Variants in P4HA1 observed in about 807,000 individuals in gnomAD.
P4HA1 encodes the protein prolyl 4-hydroxylase subunit alpha-1.
A neutral mutation model predicts 72.8 loss-of-function variants in P4HA1; 24 were observed. That is an observed-to-expected ratio of 0.33 (90% CI 0.24 to 0.46). The LOEUF (loss-of-function observed/expected upper bound fraction) is 0.46. Ranked by LOEUF, P4HA1 falls within the 20% of genes least tolerant of loss-of-function variation. The pLI is 1.00. For synonymous variants in P4HA1, 201 were observed against 218.8 expected (o/e 0.92, Z 0.72); for missense variants, 446 against 640.6 (o/e 0.70, Z 3.28).
intron 3 of P4HA1, among the ~76,000 whole-genome samples, chr10:73,073,517 G>T (rs373627235): frequency 1.3e-5 from 2 of 152,084 alleles, no homozygotes; most frequent in African/African-American, 4.8e-5. Flanking sequence ...CACCGCATCC[G>T]GCTGGTATCT....
chr10:73,056,056 A>G (rs909528799), intron 5 of P4HA1, among the ~76,000 whole-genome samples: 6 of 152,372 alleles, frequency 3.9e-5, no homozygotes, highest in Admixed American at 3.9e-4. Context: ...TAAGAAATTC[A>G]GCAATAAGAG....
In P4HA1 at chr10:73,049,120, G is replaced by GA. The variant is rs111366143; in HGVS notation, c.900+1932dup. Among the ~76,000 whole-genome samples, 14 of 115,630 alleles carry GA rather than the reference G, an allele frequency of 1.2e-4. No homozygotes were observed. In the East Asian group the frequency reaches 1.3e-3, roughly 11 times the overall value. 75.9% of individuals were successfully genotyped at this position (115,630 alleles called of 152,430 possible). A position where few individuals can be genotyped will look rare whatever the true frequency, so the allele number is the denominator to read the frequency against. ...CAACAGAGCGAGACTCCGTCTCAGA[G>GA]AAAAAAAAAAGAAAATAATGAGTCT... is the stretch of plus-strand genomic sequence containing the variant. On this transcript the variant is annotated intron_variant, in intron 7 of 14. Transcript: ENST00000394890.
chr10:73,016,095 T>C (rs987786910), intron 11 of P4HA1, among the ~76,000 whole-genome samples: 3 of 152,144 alleles, frequency 2.0e-5, no homozygotes, highest in Non-Finnish European at 4.4e-5. Context: ...ATTGTCCAAT[T>C]TAAGCAAGAA....
chr10:73,054,714 CCAA>C (rs961418304), intron 5 of P4HA1, among the ~76,000 whole-genome samples: 1 of 152,190 alleles, frequency 6.6e-6, no homozygotes, highest in African/African-American at 2.4e-5. Context: ...TACATTCCCA[CCAA>C]CAAGGTATGA....
At chr10:73,052,056 G>A (rs770203372) in intron 6 of P4HA1, among the ~76,000 whole-genome samples, 2 of 152,068 alleles carry the variant, frequency 1.3e-5, no homozygotes. Flanking sequence ...AAATTTCTAA[G>A]TAAGAAGGAA....
chr10:73,014,828 T>C (rs537905508), intron 11 of P4HA1, among the ~76,000 whole-genome samples: 4 of 149,990 alleles, frequency 2.7e-5, no homozygotes, highest in Admixed American at 6.6e-5. Context: ...TATTTTCTTT[T>C]TTCTTTTTTT....
chr10:73,034,866 C>G (rs1840533126), intron 9 of P4HA1, among the ~76,000 whole-genome samples: 1 of 152,072 alleles, frequency 6.6e-6, no homozygotes, highest in Non-Finnish European at 1.5e-5. Flanking sequence ...CAGGTGTGAG[C>G]CACCACACCC....
intron 5 of P4HA1, among the ~76,000 whole-genome samples, chr10:73,057,491 T>TA (rs897883474): frequency 3.6e-4 from 54 of 150,654 alleles, no homozygotes; most frequent in South Asian, 1.1e-3. Context: ...CTCCATCTCT[T>TA]AAAAAAAACA....
chr10:73,071,994 A>G (rs1841575362), intron 4 of P4HA1, 35 bp downstream of exon 4: 2 of 1,516,404 alleles, frequency 1.3e-6, no homozygotes, highest in East Asian at 2.3e-5. Context: ...ATATGGTGGC[A>G]ATATTACCTT....
At chr10:73,015,074 A>AC (rs770746525) in intron 11 of P4HA1, among the ~76,000 whole-genome samples, 4 of 151,206 alleles carry the variant, frequency 2.6e-5, no homozygotes, top group Admixed American at 1.3e-4. Flanking sequence ...CAAGTGATCC[A>AC]CCCACCTTGG....
intron 6 of P4HA1, among the ~76,000 whole-genome samples, chr10:73,051,555 T>C (rs1215729382): frequency 6.6e-6 from 1 of 151,760 alleles, no homozygotes; most frequent in Admixed American, 6.6e-5. Context: ...AGGTCAGGAG[T>C]TCGAGACCAG....
intron 14 of P4HA1, among the ~76,000 whole-genome samples, chr10:73,009,191 A>T (rs1234771116): frequency 6.6e-6 from 1 of 152,202 alleles, no homozygotes; most frequent in African/African-American, 2.4e-5. Context: ...ACCACTCAAC[A>T]TGTGGCTAGT....
At chr10:73,011,590 G>T (rs1236729757) in intron 12 of P4HA1, among the ~76,000 whole-genome samples, 1 of 152,080 alleles carries the variant, frequency 6.6e-6, no homozygotes, top group African/African-American at 2.4e-5. Flanking sequence ...ATTATATAAA[G>T]TTATAGTCAT....
chr10:73,039,121 TA>T (rs1271118374), intron 9 of P4HA1, among the ~76,000 whole-genome samples: 2 of 151,886 alleles, frequency 1.3e-5, no homozygotes, highest in Non-Finnish European at 2.9e-5. Context: ...CTCTACAAAA[TA>T]AAAAATTAAA....
intron 9 of P4HA1, among the ~76,000 whole-genome samples, chr10:73,031,408 A>T (rs1193024856): frequency 6.6e-6 from 1 of 152,168 alleles, no homozygotes; most frequent in African/African-American, 2.4e-5. Context: ...CCGCTTGAGC[A>T]TGGGAGTTTG....
intron 1 of P4HA1, among the ~76,000 whole-genome samples, chr10:73,079,318 G>A (rs1841773219): frequency 6.6e-6 from 1 of 152,152 alleles, no homozygotes; most frequent in Non-Finnish European, 1.5e-5. Flanking sequence ...ATAGCCAGGT[G>A]TGGTAGTAGT....
At chr10:73,015,409 CCAAAATG>C (rs1364291180) in intron 11 of P4HA1, among the ~76,000 whole-genome samples, 1 of 152,096 alleles carries the variant, frequency 6.6e-6, no homozygotes. Context: ...TACCAAAAGT[CCAAAATG>C]CAAAATGCTC....
intron 10 of P4HA1, among the ~76,000 whole-genome samples, chr10:73,023,268 G>A (rs1267526343): frequency 6.6e-6 from 1 of 152,180 alleles, no homozygotes; most frequent in Non-Finnish European, 1.5e-5. Flanking sequence ...TACCCACAAA[G>A]GGAGGCCCAT....
At chr10:73,065,742 C>G (rs1292400900) in intron 5 of P4HA1, among the ~76,000 whole-genome samples, 1 of 152,064 alleles carries the variant, frequency 6.6e-6, no homozygotes, top group Non-Finnish European at 1.5e-5. Flanking sequence ...TAAGAGAAAG[C>G]CTTGCACGTG....
Sources: allele counts gnomAD v4.1 joint callset (sites outside exome capture counted in the v4.1 genomes callset), GRCh38; gene constraint gnomAD v4.1.1; transcripts MANE v1.5; gene names NCBI Gene and HGNC (gene_info 2026-07-23, HGNC 2026-07-21).